Variants in SRGAP1 observed in about 807,000 individuals in gnomAD.
SRGAP1 encodes SLIT-ROBO Rho GTPase activating protein 1, also known as SLIT-ROBO Rho GTPase-activating protein 1.
SRGAP1 carries 43 observed loss-of-function variants against 121.9 expected under a neutral mutation model. The observed-to-expected ratio is 0.35, with a 90% CI of 0.28 to 0.46. The LOEUF (loss-of-function observed/expected upper bound fraction) is 0.46, where lower values mean the gene tolerates loss of function less well. SRGAP1 is among the 20% of genes least tolerant of loss of function. The pLI is 1.00. For synonymous variants in SRGAP1, 447 were observed against 485.4 expected, an observed-to-expected ratio of 0.92 and a Z score of 1.04; for missense variants, 1,102 against 1,350.9, an observed-to-expected ratio of 0.82 and a Z score of 2.89.
At chr12:64,095,970 A>AG (rs2036147675) in intron 14 of SRGAP1, among the ~76,000 whole-genome samples, 1 of 152,140 alleles carries the variant, frequency 6.6e-6, no homozygotes, top group Non-Finnish European at 1.5e-5. Context: ...CTCAGCCACT[A>AG]ATCAATCATG....
intron 1 of SRGAP1, among the ~76,000 whole-genome samples, chr12:63,850,702 C>T (rs1899048674): frequency 1.3e-5 from 2 of 151,174 alleles, no homozygotes; most frequent in African/African-American, 4.9e-5. Flanking sequence ...GGATAATTGG[C>T]ATGAGCCACC....
At chr12:63,850,168 C>T (rs1899029024) in intron 1 of SRGAP1, among the ~76,000 whole-genome samples, 1 of 152,142 alleles carries the variant, frequency 6.6e-6, no homozygotes, top group South Asian at 2.1e-4. Context: ...GCTGATTGCG[C>T]TACTGCAACA....
rs561590491 is a variant in SRGAP1 at position 63,995,976 on chromosome 12, AAAAGAT to A, written c.426+5906_426+5911del. 9.5e-3 allele frequency among the ~76,000 whole-genome samples: 1,443 copies of A among 152,104 alleles called. 2 individuals are homozygous for A. Among genetic ancestry groups the A allele is most frequent in the Non-Finnish European group, 0.016 (1,107 of 67,958 alleles). On this transcript the variant is annotated intron_variant, in intron 3 of 21. Coordinates refer to ENST00000355086, the MANE Select transcript of SRGAP1 (RefSeq NM_020762.4). Reference sequence around the variant, plus strand: ...CAAACATGTTTTAGTAGAAGTTAATAAAAGATACCACTTGACTACAGATCTCTAAGG... The same window carrying A: ...CAAACATGTTTTAGTAGAAGTTAATAACCACTTGACTACAGATCTCTAAGG...
intron 3 of SRGAP1, among the ~76,000 whole-genome samples, chr12:64,003,362 C>T (rs1343396551): frequency 6.6e-6 from 1 of 150,976 alleles, no homozygotes; most frequent in African/African-American, 2.4e-5. Flanking sequence ...GCTGGGATTA[C>T]AGGCTTGAGC....
At chr12:63,933,880 G>A (rs1308596223) in intron 1 of SRGAP1, among the ~76,000 whole-genome samples, 1 of 152,112 alleles carries the variant, frequency 6.6e-6, no homozygotes, top group Non-Finnish European at 1.5e-5. Context: ...TTTTAGTGTT[G>A]CATAAGGTAA....
intron 4 of SRGAP1, among the ~76,000 whole-genome samples, chr12:64,036,308 G>A (rs1045247633): frequency 9.2e-5 from 14 of 152,116 alleles, no homozygotes; most frequent in Admixed American, 5.9e-4. Context: ...CTTTCCCCAC[G>A]CACCTGAGAG....
chr12:63,894,336 A>G (rs1900681509), intron 1 of SRGAP1, among the ~76,000 whole-genome samples: 1 of 151,792 alleles, frequency 6.6e-6, no homozygotes, highest in Admixed American at 6.6e-5. Flanking sequence ...GCTTCTCAAC[A>G]TATCACTCTC....
chr12:63,866,953 C>G (rs549972493), intron 1 of SRGAP1, among the ~76,000 whole-genome samples: 1 of 152,060 alleles, frequency 6.6e-6, no homozygotes, highest in South Asian at 2.1e-4. Context: ...ACTGCAGCCT[C>G]AATCTCCTGG....
chr12:63,971,019 C>T (rs1005924385), intron 1 of SRGAP1, among the ~76,000 whole-genome samples: 6 of 152,258 alleles, frequency 3.9e-5, no homozygotes, highest in South Asian at 4.1e-4. Flanking sequence ...AACCACCCTG[C>T]GATACAAAGC....
chr12:63,991,480 A>T (rs2033554997), intron 3 of SRGAP1, among the ~76,000 whole-genome samples: 1 of 152,240 alleles, frequency 6.6e-6, no homozygotes, highest in Non-Finnish European at 1.5e-5. Context: ...GAGAAACTTT[A>T]AAAATTGAAA....
intron 3 of SRGAP1, among the ~76,000 whole-genome samples, chr12:63,998,367 T>C (rs1317588027): frequency 6.6e-6 from 1 of 152,238 alleles, no homozygotes; most frequent in East Asian, 1.9e-4. Context: ...CACTATAATG[T>C]ACATCCTACT....
intron 1 of SRGAP1, among the ~76,000 whole-genome samples, chr12:63,897,713 A>G (rs1039874150): frequency 1.3e-5 from 2 of 152,210 alleles, no homozygotes; most frequent in African/African-American, 2.4e-5. Context: ...ATGTTTCTGC[A>G]TTAGATTTAA....
intron 4 of SRGAP1, among the ~76,000 whole-genome samples, chr12:64,025,152 TAAAAAA>T (rs11286618): frequency 7.4e-6 from 1 of 135,170 alleles, no homozygotes; most frequent in Non-Finnish European, 1.6e-5. Flanking sequence ...AACGTTTAAA[TAAAAAA>T]AAAAAAAAAG....
At chr12:64,007,108 AC>A in intron 3 of SRGAP1, among the ~76,000 whole-genome samples, 1 of 152,220 alleles carries the variant, frequency 6.6e-6, no homozygotes, top group East Asian at 1.9e-4. Context: ...CTTAGCTTCA[AC>A]CCCTTGAAAT....
intron 8 of SRGAP1, 148 bp from the exon 9 acceptor site, chr12:64,078,770 GT>G (rs1254493729): frequency 1.4e-6 from 1 of 718,630 alleles, no homozygotes; most frequent in Non-Finnish European, 2.3e-6. Context: ...GATATGGAGT[GT>G]TTTTTACCTT....
At chr12:64,018,200 TGCCTCA>T (rs1026739556) in intron 4 of SRGAP1, among the ~76,000 whole-genome samples, 1 of 152,202 alleles carries the variant, frequency 6.6e-6, no homozygotes, top group African/African-American at 2.4e-5. Context: ...GCAATTCTCC[TGCCTCA>T]GCCTCCAGAG....
chr12:64,039,857 G>C (rs554004351), intron 4 of SRGAP1, among the ~76,000 whole-genome samples: 1 of 152,076 alleles, frequency 6.6e-6, no homozygotes, highest in South Asian at 2.1e-4. Flanking sequence ...GCTTCCTACT[G>C]CTATTTTATT....
Position 64,149,490 on chromosome 12 carries a change from A to G in SRGAP1, c.*6818A>G, listed in dbSNP as rs1044538048. The stretch of plus-strand genomic sequence containing the variant: ...AATCAGTCTGTAGAGTTGTTCCAGG[A>G]AAGACTCCACCATCCTGCTACCCTC... On this transcript the variant is annotated 3_prime_UTR_variant, in exon 22 of 22. Transcript: ENST00000355086. The G allele has an allele frequency of 2.6e-5, 4 of 152,188 alleles. No individual in the cohort carries two copies. The highest frequency in any genetic ancestry group is 5.9e-5 in the Non-Finnish European group (4 of 68,050). The allele number at this position is 152,188 out of a possible 1,614,324, so 9.4% of individuals were successfully genotyped here. A position where few individuals can be genotyped will look rare whatever the true frequency, so the allele number is the denominator to read the frequency against.
chr12:64,069,746 C>T (rs533845760), intron 8 of SRGAP1, among the ~76,000 whole-genome samples: 1 of 152,244 alleles, frequency 6.6e-6, no homozygotes, highest in South Asian at 2.1e-4. Context: ...GCCTCAACCT[C>T]CCGGGCTCAG....
Sources: gnomAD v4.1 joint callset for allele counts (sites outside exome capture counted in the v4.1 genomes callset) on GRCh38, gnomAD v4.1.1 for gene constraint, MANE v1.5 for transcripts, NCBI Gene and HGNC (gene_info 2026-07-23, HGNC 2026-07-21) for gene names.